Variants in MAP3K1 observed in about 807,000 individuals in gnomAD.
MAP3K1 encodes mitogen-activated protein kinase kinase kinase 1.
MAP3K1 carries 36 observed loss-of-function variants against 144.2 expected under a neutral mutation model. The ratio of observed to expected loss-of-function variants is 0.25; its 90% CI spans 0.19 to 0.33. The LOEUF is 0.33. Among genes scored for constraint, MAP3K1 ranks in the 10% least tolerant of loss-of-function variants. The pLI is 1.00. For synonymous variants in MAP3K1, 718 were observed against 688.7 expected, an observed-to-expected ratio of 1.04 and a Z score of -0.67; for missense variants, 1,650 against 1,881.9, an observed-to-expected ratio of 0.88 and a Z score of 2.28.
Position 56,825,785 on chromosome 5 carries a change from C to T in MAP3K1, c.482+9730C>T, listed in dbSNP as rs368870345. On this transcript the variant is annotated intron_variant, in intron 1 of 19. Transcript: ENST00000399503. ...ACTGCCATGACTGCTAACCCAGGGT[C>T]AGGCCACTGTCAACCCACTGTCAAC... 2.1e-4 allele frequency among the ~76,000 whole-genome samples: 32 copies of T among 152,284 alleles called. No homozygotes were observed. The East Asian group carries it at 4.2e-3, about 20-fold the overall frequency.
rs753970474 is a variant in MAP3K1 at position 56,871,901 on chromosome 5, T to G, written c.1302-9T>G. On this transcript the variant is annotated splice_polypyrimidine_tract_variant and intron_variant, in intron 6 of 19. Coordinates refer to ENST00000399503, the MANE Select transcript of MAP3K1 (RefSeq NM_005921.2). ...TATGCTTAATACTTTTTCTTCCCCTTTTCTATAGCATAAAGGATGAAGAGG... is the reference window on the plus strand; with the variant it reads ...TATGCTTAATACTTTTTCTTCCCCTGTTCTATAGCATAAAGGATGAAGAGG... The G allele has an allele frequency of 3.7e-6, 6 of 1,613,598 alleles. No homozygotes were observed. The South Asian group carries it at 6.6e-5, about 18-fold the overall frequency.
chr5:56,859,654 T>G, intron 2 of MAP3K1, 61 bp from the exon 3 acceptor site: 1 of 1,249,456 alleles, frequency 8.0e-7, no homozygotes, highest in Non-Finnish European at 1.2e-6. Flanking sequence ...GTCTATGATA[T>G]TTACATTTAC....
chr5:56,887,392 A>C lies in MAP3K1; in HGVS notation c.4129A>C (p.Ile1377Leu). Residue 1377 changes from isoleucine (I) to leucine (L), a missense_variant, in exon 18 of 20, where the codon ATT becomes CTT. Coordinates refer to ENST00000399503, the MANE Select transcript of MAP3K1 (RefSeq NM_005921.2). ...TTTGTTGACAGGTGCCAATTTGCTAATTGACAGCACTGGTCAGAGACTAAG... is the reference window on the plus strand; with the variant it reads ...TTTGTTGACAGGTGCCAATTTGCTACTTGACAGCACTGGTCAGAGACTAAG... ...HRDVKGANLL[I>L]DSTGQRLRIA... 6.2e-7 allele frequency: 1 copy of C among 1,614,202 alleles called. No individual in the cohort carries two copies. Among genetic ancestry groups the C allele is most frequent in the East Asian group, 2.2e-5 (1 of 44,884 alleles).
intron 2 of MAP3K1, among the ~76,000 whole-genome samples, chr5:56,859,210 A>ACACG (rs67006784): frequency 6.6e-6 from 1 of 151,580 alleles, no homozygotes; most frequent in Non-Finnish European, 1.5e-5. Flanking sequence ...ACACACACAC[A>ACACG]AAGCAGGGAA....
intron 10 of MAP3K1, among the ~76,000 whole-genome samples, chr5:56,877,998 C>G (rs1748092878): frequency 6.6e-6 from 1 of 152,168 alleles, no homozygotes; most frequent in South Asian, 2.1e-4. Flanking sequence ...ACAAGAACGC[C>G]ACAGAGGTGA....
chr5:56,865,006 T>A, intron 4 of MAP3K1, 72 bp downstream of exon 4: 2 of 1,336,036 alleles, frequency 1.5e-6, no homozygotes, highest in East Asian at 2.4e-5. Flanking sequence ...TATACTATAA[T>A]GTTCTTAAAT....
chr5:56,842,819 A>G (rs952790342), intron 1 of MAP3K1, among the ~76,000 whole-genome samples: 4 of 152,134 alleles, frequency 2.6e-5, no homozygotes, highest in African/African-American at 7.2e-5. Context: ...GGTAGATACT[A>G]TTATCCCCAT....
At chr5:56,872,174 A>G in intron 7 of MAP3K1, 143 bp downstream of exon 7, 2 of 1,068,162 alleles carry the variant, frequency 1.9e-6, no homozygotes, top group Middle Eastern at 2.6e-4. Flanking sequence ...CCTATGTGAA[A>G]AGTTTTCAAC....
At chr5:56,866,573 T>C (rs981545340) in intron 6 of MAP3K1, among the ~76,000 whole-genome samples, 2 of 152,182 alleles carry the variant, frequency 1.3e-5, no homozygotes, top group Non-Finnish European at 2.9e-5. Context: ...AAAAATTAGA[T>C]TTTTAAAAAT....
chr5:56,859,238 CA>C (rs1339462057), intron 2 of MAP3K1, among the ~76,000 whole-genome samples: 2 of 151,796 alleles, frequency 1.3e-5, no homozygotes, highest in African/African-American at 4.8e-5. Context: ...GCATAGTGAT[CA>C]AACTATTTGA....
intron 1 of MAP3K1, among the ~76,000 whole-genome samples, chr5:56,838,401 T>C (rs1746716829): frequency 6.6e-6 from 1 of 152,230 alleles, no homozygotes; most frequent in Non-Finnish European, 1.5e-5. Flanking sequence ...AATGCAATTA[T>C]TTGGTTCTAT....
At chr5:56,889,973 TCTA>T (rs2111968291) in intron 19 of MAP3K1, among the ~76,000 whole-genome samples, 1 of 152,298 alleles carries the variant, frequency 6.6e-6, no homozygotes, top group East Asian at 1.9e-4. Context: ...ATGTCCGTTC[TCTA>T]CGTGGTTCAA....
chr5:56,842,515 G>T (rs963138874), intron 1 of MAP3K1, among the ~76,000 whole-genome samples: 1 of 152,224 alleles, frequency 6.6e-6, no homozygotes, highest in Non-Finnish European at 1.5e-5. Flanking sequence ...CACTGCAGAG[G>T]CTAGCTTTAA....
At chr5:56,845,386 G>GA (rs1746957964) in intron 1 of MAP3K1, among the ~76,000 whole-genome samples, 2 of 152,144 alleles carry the variant, frequency 1.3e-5, no homozygotes, top group African/African-American at 4.8e-5. Flanking sequence ...CCCAAATGGT[G>GA]AAGGAACAGA....
chr5:56,823,491 G>A (rs1746217230), intron 1 of MAP3K1, among the ~76,000 whole-genome samples: 1 of 152,178 alleles, frequency 6.6e-6, no homozygotes, highest in Admixed American at 6.5e-5. Context: ...CTCATTTGAT[G>A]AATGACTGCC....
At position 56,882,215 on chromosome 5, in the gene MAP3K1, A is replaced by T. The variant is rs1418079097; in HGVS notation, c.3015A>T (p.Arg1005Ser). Residue 1005 changes from arginine to serine, a missense_variant, in exon 14 of 20, where the codon AGA becomes AGT. Arg to Ser is a moderately radical substitution (Grantham distance 110, BLOSUM62 -1). This residue lies in a region of MAP3K1 where 841 missense variants were observed against 886.5 expected (regional missense o/e 0.95). Coordinates refer to ENST00000399503, the MANE Select transcript of MAP3K1 (RefSeq NM_005921.2). ...AGTATDVSKH[R>S]LQGFIPCRIP... ...CTGCAACAGATGTCTCTAAGCATAG[A>T]CTTCAGGGATTCATTCCCTGCAGAA... 3 of 1,614,074 alleles carry T rather than the reference A, an allele frequency of 1.9e-6. No homozygotes were observed.
chr5:56,871,978 C>A lies in MAP3K1; in HGVS notation c.1370C>A (p.Thr457Lys). The A allele has an allele frequency of 6.2e-6, 10 of 1,613,846 alleles. No individual in the cohort carries two copies. The highest frequency in any genetic ancestry group is 1.1e-5 in the South Asian group (1 of 91,076). The change falls in exon 7 of 20, where the codon ACA becomes AAA. Residue 457 changes from threonine to lysine, a missense_variant. Thr to Lys is a moderately conservative substitution (Grantham distance 78, BLOSUM62 -1). Coordinates refer to ENST00000399503, the MANE Select transcript of MAP3K1 (RefSeq NM_005921.2). ...GGCATGCTTGATGAAGAAAGTCTTA[C>A]AGTGTGTGAAGACGGCTGCAGGAAC... Reference protein sequence around the residue: ...LLGMLDEESLTVCEDGCRNKL... With the variant: ...LLGMLDEESLKVCEDGCRNKL...
rs73759214 is a variant in MAP3K1 at position 56,820,424 on chromosome 5, A to G, written c.482+4369A>G. 3.8e-3 allele frequency: 3,755 copies of G among 984,864 alleles called. 126 individuals are homozygous for G. The African/African-American group carries it at 0.06, about 16-fold the overall frequency. 61.0% of individuals were successfully genotyped at this position (984,864 alleles called of 1,614,324 possible). ...AGAAATTTGTTTTGCAGGCATTCTA[A>G]TAGACCATGAGCTAGGTCTCTACCC... is the stretch of plus-strand genomic sequence containing the variant. On this transcript the variant is annotated intron_variant, in intron 1 of 19. Transcript: ENST00000399503.
At chr5:56,852,294 A>AGT in intron 1 of MAP3K1, among the ~76,000 whole-genome samples, 1 of 152,210 alleles carries the variant, frequency 6.6e-6, no homozygotes, top group South Asian at 2.1e-4. Context: ...CAAGAGAGTT[A>AGT]GCACAATCAA....
Sources: gnomAD v4.1 joint callset for allele counts (sites outside exome capture counted in the v4.1 genomes callset) on GRCh38, gnomAD v4.1.1 for gene constraint, gnomAD v4.1.1 regional missense constraint, MANE v1.5 for transcripts, NCBI Gene and HGNC (gene_info 2026-07-23, HGNC 2026-07-21) for gene names.